The following BARD1 variants were observed in gnomAD, a reference collection of about 807,000 sequenced individuals.
The protein encoded by BARD1 is BRCA1-associated RING domain protein 1.
Under a neutral mutation model 77.0 loss-of-function variants are expected in BARD1, and 73 were observed. The observed-to-expected ratio is 0.95, with a 90% CI of 0.79 to 1.15. The LOEUF (loss-of-function observed/expected upper bound fraction) is 1.15, where lower values mean the gene tolerates loss of function less well. BARD1 is among the 50% of genes most tolerant of loss of function. The pLI, the probability that BARD1 is intolerant of heterozygous loss-of-function variation, is 0.00. For missense variants in BARD1, 993 were observed against 938.8 expected (o/e 1.06, Z -0.75); for synonymous variants, 384 against 338.0 (o/e 1.14, Z -1.49).
chr2:214,771,490 GA>G (rs1694486143), intron 4 of BARD1, among the ~76,000 whole-genome samples: 1 of 151,992 alleles, frequency 6.6e-6, no homozygotes, highest in Non-Finnish European at 1.5e-5. Flanking sequence ...AGCACTTTGG[GA>G]GGCTGAGGCA....
In BARD1 at chr2:214,765,563, C is replaced by T. The variant is rs541908585; in HGVS notation, c.1568+1919G>A. On this transcript the variant is annotated intron_variant, in intron 6 of 10. Transcript: ENST00000260947. ...AGATTCCCTAACGCCCTGACCAGTG[C>T]TCCATCCATTAAAGTAGTCATGGCT... 5.9e-5 allele frequency among the ~76,000 whole-genome samples: 9 copies of T among 152,302 alleles called. No individual in the cohort carries two copies. In the South Asian group the frequency reaches 1.9e-3, roughly 32 times the overall value.
chr2:214,749,979 A>G (rs1408955880), intron 7 of BARD1, among the ~76,000 whole-genome samples: 1 of 152,124 alleles, frequency 6.6e-6, no homozygotes, highest in Non-Finnish European at 1.5e-5. Flanking sequence ...CAAGATATGA[A>G]AGCAACTAGC....
intron 1 of BARD1, among the ~76,000 whole-genome samples, chr2:214,802,496 A>G (rs187519020): frequency 6.6e-6 from 1 of 152,272 alleles, no homozygotes; most frequent in East Asian, 1.9e-4. Context: ...GAGCATCTGT[A>G]TTTTAACTTC....
intron 5 of BARD1, 96 bp downstream of exon 5, chr2:214,769,136 A>G (rs139974968): frequency 8.2e-6 from 8 of 975,926 alleles, no homozygotes; most frequent in Admixed American, 6.1e-5. Flanking sequence ...TAAAAAGAGT[A>G]TATGTGGCAG....
intron 1 of BARD1, among the ~76,000 whole-genome samples, chr2:214,800,207 A>C (rs908217724): frequency 6.6e-6 from 1 of 152,260 alleles, no homozygotes; most frequent in Admixed American, 6.5e-5. Flanking sequence ...GTAATGATTT[A>C]ACATGTGGGA....
intron 8 of BARD1, among the ~76,000 whole-genome samples, 176 bp downstream of exon 8, chr2:214,745,546 G>A (rs965950124): frequency 2.6e-5 from 4 of 151,904 alleles, no homozygotes; most frequent in African/African-American, 7.3e-5. Context: ...TCCTAACTAC[G>A]TTGTTGTCTA....
chr2:214,752,579 T>A, intron 6 of BARD1, 24 bp from the exon 7 acceptor site: 6 of 1,559,714 alleles, frequency 3.8e-6, no homozygotes, highest in Non-Finnish European at 5.3e-6. Flanking sequence ...TGCAGATGTG[T>A]TTAAGTAAGT....
At chr2:214,769,180 C>A in intron 5 of BARD1, 52 bp downstream of exon 5, 1 of 1,475,754 alleles carries the variant, frequency 6.8e-7, no homozygotes, top group South Asian at 1.1e-5. Context: ...TAACTATAAA[C>A]TATAAGAACT....
At chr2:214,791,795 C>A (rs964511635) in intron 3 of BARD1, among the ~76,000 whole-genome samples, 1 of 152,080 alleles carries the variant, frequency 6.6e-6, no homozygotes, top group African/African-American at 2.4e-5. Flanking sequence ...AATCACTATT[C>A]CATATATATT....
intron 1 of BARD1, among the ~76,000 whole-genome samples, chr2:214,802,510 AT>A (rs1696071407): frequency 6.6e-6 from 1 of 152,028 alleles, no homozygotes; most frequent in African/African-American, 2.4e-5. Context: ...TAACTTCCTG[AT>A]TTTCTATTTC....
intron 9 of BARD1, among the ~76,000 whole-genome samples, chr2:214,744,059 G>C (rs1161427738): frequency 6.6e-6 from 1 of 152,146 alleles, no homozygotes; most frequent in African/African-American, 2.4e-5. Flanking sequence ...TTCTATGTTA[G>C]CCATAGTATC....
chr2:214,789,803 T>C (rs974375730), intron 3 of BARD1, among the ~76,000 whole-genome samples: 1 of 152,106 alleles, frequency 6.6e-6, no homozygotes, highest in Non-Finnish European at 1.5e-5. Context: ...TTATGTGTTA[T>C]CTAAACAGGG....
chr2:214,809,583 G>A lies in BARD1; in HGVS notation c.-14C>T. ...ATTATCCGGCATCGTCCCGCCTTCG[G>A]ATGAAAGGCTCCTCGCAGAGCGGGA... On this transcript the variant is annotated 5_prime_UTR_variant, in exon 1 of 11. Transcript: ENST00000260947. 1 of 1,538,718 alleles carries A rather than the reference G, an allele frequency of 6.5e-7. No homozygotes were observed. The highest frequency in any genetic ancestry group is 8.7e-7 in the Non-Finnish European group (1 of 1,145,508).
chr2:214,795,727 G>A (rs78012796), intron 2 of BARD1, among the ~76,000 whole-genome samples: 7,683 of 152,230 alleles, frequency 0.05, 212 homozygotes, highest in Admixed American at 0.09. Flanking sequence ...AGAACTTAGC[G>A]ATGTGGGATA....
chr2:214,784,695 C>T (rs1191173547), intron 3 of BARD1, among the ~76,000 whole-genome samples: 1 of 151,956 alleles, frequency 6.6e-6, no homozygotes, highest in Non-Finnish European at 1.5e-5. Flanking sequence ...TACTATACAC[C>T]CATAAAAAGA....
chr2:214,759,118 C>A (rs1268396510), intron 6 of BARD1, among the ~76,000 whole-genome samples: 1 of 152,100 alleles, frequency 6.6e-6, no homozygotes, highest in East Asian at 1.9e-4. Context: ...GTTTTTAAAG[C>A]TATAAAACAT....
Position 214,745,766 on chromosome 2 carries a change from G to GC in BARD1, c.1765dup (p.Ala589GlyfsTer5). 1 of 1,613,964 alleles carries GC rather than the reference G, an allele frequency of 6.2e-7. No homozygotes were observed. Among genetic ancestry groups the GC allele is most frequent in the Non-Finnish European group, 8.5e-7 (1 of 1,179,948 alleles). ...ATATTTTTTAGCCTTAAGAATTACT[G>GC]CAAGCTCACTGAGCATTTTCTGTTG... On this transcript the variant is annotated frameshift_variant, in exon 8 of 11. Transcript: ENST00000260947. LOFTEE classifies it high-confidence loss of function.
At chr2:214,763,668 G>A (rs952648530) in intron 6 of BARD1, among the ~76,000 whole-genome samples, 2 of 152,158 alleles carry the variant, frequency 1.3e-5, no homozygotes, top group African/African-American at 2.4e-5. Flanking sequence ...AAGAGTTCAG[G>A]CCTGGTTATT....
At chr2:214,788,764 A>G (rs1559433430) in intron 3 of BARD1, among the ~76,000 whole-genome samples, 1 of 152,118 alleles carries the variant, frequency 6.6e-6, no homozygotes, top group African/African-American at 2.4e-5. Context: ...CAATCTCCTT[A>G]CTATTATAAA....
Sources: gnomAD v4.1 joint callset for allele counts (sites outside exome capture counted in the v4.1 genomes callset) on GRCh38, gnomAD v4.1.1 for gene constraint, MANE v1.5 for transcripts, NCBI Gene and HGNC (gene_info 2026-07-23, HGNC 2026-07-21) for gene names.